Variants in RIPOR3 observed in about 807,000 individuals in gnomAD.
RIPOR3 encodes RIPOR family member 3, also known as family with sequence similarity 65 member C.
RIPOR3 carries 95 observed loss-of-function variants against 114.3 expected under a neutral mutation model. The observed-to-expected ratio is 0.83, with a 90% CI of 0.70 to 0.99. RIPOR3 has a LOEUF of 0.99. RIPOR3 is among the 50% of genes least tolerant of loss of function. RIPOR3 has a pLI of 0.00. For missense variants in RIPOR3, 1,252 were observed against 1,266.9 expected (o/e 0.99, Z 0.18); for synonymous variants, 575 against 543.8 (o/e 1.06, Z -0.80).
chr20:50,652,359 G>T (rs1055829220), intron 1 of RIPOR3, among the ~76,000 whole-genome samples: 7 of 152,094 alleles, frequency 4.6e-5, no homozygotes, highest in South Asian at 2.1e-4. Context: ...GGGAGGCTGG[G>T]GCAGGTGAAT....
At chr20:50,661,180 G>C (rs1298215534) in intron 1 of RIPOR3, among the ~76,000 whole-genome samples, 3 of 152,090 alleles carry the variant, frequency 2.0e-5, no homozygotes, top group Non-Finnish European at 4.4e-5. Flanking sequence ...GGAGGTTGCA[G>C]TGAGCCAAAA....
At chr20:50,609,236 G>A in intron 8 of RIPOR3, 57 bp downstream of exon 8, 1 of 1,586,410 alleles carries the variant, frequency 6.3e-7, no homozygotes, top group East Asian at 2.2e-5. Flanking sequence ...GTGCCCCTCA[G>A]CAGAAGTCTC....
At chr20:50,627,924 G>C (rs563134221) in intron 2 of RIPOR3, among the ~76,000 whole-genome samples, 10 of 152,176 alleles carry the variant, frequency 6.6e-5, no homozygotes, top group South Asian at 2.1e-4. Context: ...ACCACACAAG[G>C]GTCCCTACAG....
chr20:50,622,692 C>CAGAGAGAGAGAGAGAG (rs139986638), intron 2 of RIPOR3, among the ~76,000 whole-genome samples: 1 of 150,208 alleles, frequency 6.7e-6, no homozygotes, highest in Non-Finnish European at 1.5e-5. Context: ...CTCTGGACTG[C>CAGAGAGAGAGAGAGAG]AGAGAGAGAG....
chr20:50,603,205 C>T (rs1478951548), intron 12 of RIPOR3, among the ~76,000 whole-genome samples: 2 of 152,212 alleles, frequency 1.3e-5, no homozygotes, highest in Non-Finnish European at 2.9e-5. Flanking sequence ...CAGTCTTTGC[C>T]TGGCCTGGAG....
chr20:50,635,811 C>G (rs993773133), intron 1 of RIPOR3, among the ~76,000 whole-genome samples: 2 of 152,258 alleles, frequency 1.3e-5, no homozygotes, highest in East Asian at 3.8e-4. Flanking sequence ...CAAAGCCTGG[C>G]TTCGGGACTC....
At chr20:50,642,240 CCTT>C (rs1048766477) in intron 1 of RIPOR3, among the ~76,000 whole-genome samples, 2 of 151,756 alleles carry the variant, frequency 1.3e-5, no homozygotes, top group African/African-American at 2.4e-5. Context: ...CAGTTATCTG[CCTT>C]CTTCTTCTTG....
intron 1 of RIPOR3, among the ~76,000 whole-genome samples, chr20:50,675,851 G>A (rs536470567): frequency 7.9e-5 from 12 of 152,304 alleles, no homozygotes; most frequent in Non-Finnish European, 1.5e-4. Flanking sequence ...ATTTGTTCAC[G>A]CATTCAGGGC....
rs547002182 is a variant in RIPOR3 at position 50,589,583 on chromosome 20, A to G, written c.2661+103T>C. On this transcript the variant is annotated intron_variant, in intron 20 of 21. Coordinates refer to ENST00000327979, the MANE Select transcript of RIPOR3 (RefSeq NM_001290268.2). Reference sequence around the variant, plus strand: ...AGTGCTGAGATTACAGGCGTGAGCCATCACGCCCAGCCCCAGTGGAATCAT... The same window carrying G: ...AGTGCTGAGATTACAGGCGTGAGCCGTCACGCCCAGCCCCAGTGGAATCAT... The G allele has an allele frequency of 2.4e-6, 3 of 1,245,652 alleles. No individual in the cohort carries two copies. The East Asian group carries it at 8.1e-5, about 33-fold the overall frequency. The allele number at this position is 1,245,652 out of a possible 1,614,324, so 77.2% of individuals were successfully genotyped here.
intron 2 of RIPOR3, among the ~76,000 whole-genome samples, chr20:50,624,635 C>T (rs2084549956): frequency 6.6e-6 from 1 of 152,198 alleles, no homozygotes; most frequent in Non-Finnish European, 1.5e-5. Flanking sequence ...GCCCAGGTGT[C>T]ACAGAAGCCG....
At chr20:50,610,175 CCTGCCTCT>C (rs2083921973) in intron 6 of RIPOR3, among the ~76,000 whole-genome samples, 1 of 133,138 alleles carries the variant, frequency 7.5e-6, no homozygotes, top group Non-Finnish European at 1.8e-5. Flanking sequence ...CCCTGTCTCA[CCTGCCTCT>C]CCTGCCTCTC....
chr20:50,600,742 AGAGT>A (rs1312797820), intron 13 of RIPOR3, among the ~76,000 whole-genome samples: 74 of 152,354 alleles, frequency 4.9e-4, no homozygotes, highest in African/African-American at 1.6e-3. Flanking sequence ...CCTGGGCAAC[AGAGT>A]GAGACCCTGT....
intron 1 of RIPOR3, among the ~76,000 whole-genome samples, chr20:50,681,113 AC>A (rs992010106): frequency 2.0e-5 from 3 of 150,846 alleles, no homozygotes; most frequent in African/African-American, 7.3e-5. Flanking sequence ...AGTCCCAGCT[AC>A]TTGGGAGGCT....
intron 6 of RIPOR3, among the ~76,000 whole-genome samples, chr20:50,609,992 TCACCTGCCA>T (rs1267436816): frequency 3.6e-5 from 2 of 54,908 alleles, no homozygotes; most frequent in South Asian, 8.6e-4. Context: ...CACCCCTGCC[TCACCTGCCA>T]CCCCTGCCTC....
chr20:50,623,824 TAG>T (rs944158576), intron 2 of RIPOR3, among the ~76,000 whole-genome samples: 80 of 152,200 alleles, frequency 5.3e-4, no homozygotes, highest in African/African-American at 1.9e-3. Flanking sequence ...ACAACCACCC[TAG>T]GAGACAGGTA....
intron 2 of RIPOR3, among the ~76,000 whole-genome samples, chr20:50,626,900 G>C (rs2084639540): frequency 6.6e-6 from 1 of 151,864 alleles, no homozygotes; most frequent in South Asian, 2.1e-4. Flanking sequence ...TGTGATCCCA[G>C]CTACTCGGGA....
chr20:50,610,012 ACCTGCCACCCCTGCCTCACCTG>A (rs1568854750), intron 6 of RIPOR3, among the ~76,000 whole-genome samples: 2 of 29,196 alleles, frequency 6.9e-5, no homozygotes, highest in African/African-American at 1.3e-4. Context: ...CCCCTGCCTC[ACCTGCCACCCCTGCCTCACCTG>A]CCACCCCTGC....
At chr20:50,610,021 CCCTGCCTCA>C (rs1478952655) in intron 6 of RIPOR3, among the ~76,000 whole-genome samples, 5 of 125,824 alleles carry the variant, frequency 4.0e-5, no homozygotes, top group East Asian at 4.8e-4. Context: ...CACCTGCCAC[CCCTGCCTCA>C]CCTGCCACCC....
At chr20:50,613,473 AAAAG>A (rs915766324) in intron 4 of RIPOR3, among the ~76,000 whole-genome samples, 1 of 152,096 alleles carries the variant, frequency 6.6e-6, no homozygotes, top group African/African-American at 2.4e-5. Context: ...AAAAGAAAAG[AAAAG>A]AAATAAATAA....
Sources: allele counts gnomAD v4.1 joint callset (sites outside exome capture counted in the v4.1 genomes callset), GRCh38; gene constraint gnomAD v4.1.1; transcripts MANE v1.5; gene names NCBI Gene and HGNC (gene_info 2026-07-23, HGNC 2026-07-21).